The following MECOM variants were observed in gnomAD, a reference collection of about 807,000 sequenced individuals.
The protein encoded by MECOM is MDS1 and EVI1 complex locus, also known as histone-lysine N-methyltransferase MECOM.
MECOM carries 13 observed loss-of-function variants against 116.3 expected under a neutral mutation model. The observed-to-expected ratio is 0.11, with a 90% CI of 0.07 to 0.18. The LOEUF (loss-of-function observed/expected upper bound fraction) is 0.18. Among genes scored for constraint, MECOM ranks in the 10% least tolerant of loss-of-function variants. MECOM has a pLI of 1.00. For synonymous variants in MECOM, 528 were observed against 535.2 expected (o/e 0.99, Z 0.19); for missense variants, 1,299 against 1,509.0 (o/e 0.86, Z 2.31).
At chr3:169,137,308 C>T (rs1736656266) in intron 3 of MECOM, among the ~76,000 whole-genome samples, 1 of 152,060 alleles carries the variant, frequency 6.6e-6, no homozygotes, top group Non-Finnish European at 1.5e-5. Flanking sequence ...ACAATATATG[C>T]ATTAGGAAAC....
At chr3:169,360,464 A>T (rs1259727074) in intron 2 of MECOM, among the ~76,000 whole-genome samples, 7 of 151,692 alleles carry the variant, frequency 4.6e-5, no homozygotes, top group Non-Finnish European at 1.0e-4. Flanking sequence ...TGAATCCTCA[A>T]ATTTCTGCCC....
At chr3:169,166,603 A>G (rs1559942372) in intron 2 of MECOM, among the ~76,000 whole-genome samples, 1 of 152,168 alleles carries the variant, frequency 6.6e-6, no homozygotes, top group Admixed American at 6.5e-5. Context: ...AATCCATGTA[A>G]AAACAGAGAC....
intron 1 of MECOM, among the ~76,000 whole-genome samples, chr3:169,644,332 C>T (rs1171046518): frequency 1.3e-5 from 2 of 152,102 alleles, no homozygotes; most frequent in Non-Finnish European, 2.9e-5. Flanking sequence ...TCTTGGCTCA[C>T]TGCAACCTCC....
chr3:169,286,260 AG>A (rs1173928793), intron 2 of MECOM, among the ~76,000 whole-genome samples: 1 of 152,166 alleles, frequency 6.6e-6, no homozygotes, highest in Non-Finnish European at 1.5e-5. Flanking sequence ...GGGACCCAGT[AG>A]GGCTGCCTGG....
chr3:169,329,825 C>A (rs1722441382), intron 2 of MECOM, among the ~76,000 whole-genome samples: 1 of 152,158 alleles, frequency 6.6e-6, no homozygotes, highest in African/African-American at 2.4e-5. Flanking sequence ...GTACAATATG[C>A]CAATGAGCAT....
intron 2 of MECOM, chr3:169,144,875 GA>G: frequency 5.5e-6 from 4 of 729,304 alleles, no homozygotes; most frequent in Non-Finnish European, 9.4e-6. Context: ...AACTCCTACA[GA>G]TCTCTGCTGT....
intron 2 of MECOM, among the ~76,000 whole-genome samples, chr3:169,264,683 C>A (rs1758041678): frequency 6.6e-6 from 1 of 152,140 alleles, no homozygotes; most frequent in African/African-American, 2.4e-5. Context: ...CTCATCCTTC[C>A]AACTATGAGA....
At chr3:169,349,410 C>T (rs1725923989) in intron 2 of MECOM, among the ~76,000 whole-genome samples, 2 of 151,884 alleles carry the variant, frequency 1.3e-5, no homozygotes, top group Non-Finnish European at 2.9e-5. Flanking sequence ...ACTTCACGCT[C>T]TAGTGGGGGG....
intron 2 of MECOM, among the ~76,000 whole-genome samples, chr3:169,363,035 C>T (rs571404862): frequency 6.6e-6 from 1 of 152,002 alleles, no homozygotes; most frequent in African/African-American, 2.4e-5. Flanking sequence ...AAAATTTCCC[C>T]ATTTCTTCAC....
At position 169,478,631 on chromosome 3, in the gene MECOM, C is replaced by T. The variant is rs368124787; in HGVS notation, c.38-97107G>A. On this transcript the variant is annotated intron_variant, in intron 1 of 16. Coordinates refer to ENST00000651503, the MANE Select transcript of MECOM (RefSeq NM_004991.4). ...AAGGCTTAACCACCCACGGGAATAG[C>T]GACTGGTGCCTGCCACTTCCCTAAG... Among the ~76,000 whole-genome samples, 28 of 152,260 alleles carry T rather than the reference C, an allele frequency of 1.8e-4. No homozygotes were observed. The East Asian group carries it at 1.9e-3, about 10-fold the overall frequency.
At chr3:169,506,324 T>C (rs1180360671) in intron 1 of MECOM, among the ~76,000 whole-genome samples, 1 of 152,156 alleles carries the variant, frequency 6.6e-6, no homozygotes, top group Non-Finnish European at 1.5e-5. Context: ...AGTCTTCCAA[T>C]GTGAGTGTCC....
chr3:169,187,856 G>A (rs1375913125), intron 2 of MECOM, among the ~76,000 whole-genome samples: 1 of 151,982 alleles, frequency 6.6e-6, no homozygotes, highest in Admixed American at 6.6e-5. Context: ...TGTTAACTTG[G>A]GTTATCAGCT....
intron 1 of MECOM, among the ~76,000 whole-genome samples, chr3:169,446,439 G>A (rs1234391919): frequency 2.6e-5 from 4 of 152,108 alleles, no homozygotes; most frequent in African/African-American, 7.2e-5. Flanking sequence ...CCAGCCATGT[G>A]GAACTGTAAG....
chr3:169,320,185 T>C (rs1050945918), intron 2 of MECOM, among the ~76,000 whole-genome samples: 1 of 152,180 alleles, frequency 6.6e-6, no homozygotes, highest in East Asian at 1.9e-4. Flanking sequence ...TTAGGTCTTT[T>C]TAGGATGGGA....
intron 1 of MECOM, among the ~76,000 whole-genome samples, chr3:169,640,657 G>A (rs551567161): frequency 1.4e-4 from 21 of 152,272 alleles, no homozygotes; most frequent in African/African-American, 4.1e-4. Flanking sequence ...CAAATATGAC[G>A]TCATGGAAAC....
At chr3:169,340,594 G>A (rs761599707) in intron 2 of MECOM, among the ~76,000 whole-genome samples, 22 of 151,968 alleles carry the variant, frequency 1.4e-4, no homozygotes, top group Middle Eastern at 3.2e-3. Context: ...GATCATCACC[G>A]CACCAATATT....
At chr3:169,575,590 T>C (rs1328362055) in intron 1 of MECOM, among the ~76,000 whole-genome samples, 1 of 152,176 alleles carries the variant, frequency 6.6e-6, no homozygotes, top group African/African-American at 2.4e-5. Context: ...CCTGCTTTTA[T>C]CTTACACAAA....
chr3:169,617,890 C>G (rs1387564533), intron 1 of MECOM, among the ~76,000 whole-genome samples: 2 of 152,184 alleles, frequency 1.3e-5, no homozygotes, highest in Non-Finnish European at 2.9e-5. Context: ...AGCCCTGGGA[C>G]ACTTCTTAGA....
chr3:169,510,111 T>C (rs373906164), intron 1 of MECOM, among the ~76,000 whole-genome samples: 140 of 152,370 alleles, frequency 9.2e-4, no homozygotes, highest in African/African-American at 3.1e-3. Flanking sequence ...AATGTGTATA[T>C]GCACAAGCTT....
Sources: allele counts gnomAD v4.1 joint callset (sites outside exome capture counted in the v4.1 genomes callset), GRCh38; gene constraint gnomAD v4.1.1; transcripts MANE v1.5; gene names NCBI Gene and HGNC (gene_info 2026-07-23, HGNC 2026-07-21).